The following MUSK variants were observed in gnomAD, a reference collection of about 807,000 sequenced individuals.
The protein encoded by MUSK is muscle, skeletal receptor tyrosine-protein kinase.
MUSK carries 55 observed loss-of-function variants against 88.7 expected under a neutral mutation model. The ratio of observed to expected loss-of-function variants is 0.62; its 90% confidence interval spans 0.50 to 0.78. The LOEUF is 0.78. Among genes scored for constraint, MUSK ranks in the 30% least tolerant of loss-of-function variants. The probability of loss-of-function intolerance (pLI) is 0.00; values close to 1 mark genes in which losing one functional copy is unlikely to be tolerated. For synonymous variants in MUSK, 387 were observed against 391.9 expected (o/e 0.99, Z 0.15); for missense variants, 1,015 against 1,074.3 (o/e 0.94, Z 0.77).
Position 110,713,709 on chromosome 9 carries a change from TG to T in MUSK, c.628+16246del, listed in dbSNP as rs761758181. Among the ~76,000 whole-genome samples the T allele has an allele frequency of 1.1e-4, 17 of 152,238 alleles. No homozygotes were observed. In the Middle Eastern group the frequency reaches 0.01, roughly 91 times the overall value. ...CCCAACCCAAGCCACTTTAGGCAAC[TG>T]GGATACTGTGGTATGATTTAAGATT... On this transcript the variant is annotated intron_variant, in intron 5 of 14. Transcript: ENST00000374448.
chr9:110,789,788 A>G (rs182694461), intron 14 of MUSK, among the ~76,000 whole-genome samples: 10 of 152,178 alleles, frequency 6.6e-5, no homozygotes, highest in African/African-American at 2.4e-4. Flanking sequence ...GGGAAAAAAA[A>G]AAGACGTGTT....
chr9:110,721,851 G>A (rs564127805), intron 5 of MUSK, among the ~76,000 whole-genome samples: 87 of 152,194 alleles, frequency 5.7e-4, no homozygotes, highest in Non-Finnish European at 9.7e-4. Flanking sequence ...ATACTACAAC[G>A]CCACAGACAC....
intron 2 of MUSK, among the ~76,000 whole-genome samples, chr9:110,686,151 C>T (rs1034051096): frequency 1.3e-5 from 2 of 152,086 alleles, no homozygotes; most frequent in African/African-American, 4.8e-5. Flanking sequence ...TCTTGCCTTT[C>T]CTAGCTTCTA....
intron 1 of MUSK, among the ~76,000 whole-genome samples, chr9:110,675,491 G>T (rs1437360068): frequency 3.3e-5 from 5 of 149,784 alleles, no homozygotes; most frequent in Non-Finnish European, 5.9e-5. Context: ...AAAGTGCTAG[G>T]ATTACAGGCG....
In MUSK at chr9:110,800,533, CG is replaced by C; in HGVS notation, c.2156del (p.Arg719LeufsTer8). 1 of 1,613,710 alleles carries C rather than the reference CG, an allele frequency of 6.2e-7. No individual in the cohort carries two copies. The highest frequency in any genetic ancestry group is 8.5e-7 in the Non-Finnish European group (1 of 1,179,816). ...AGCTGGCATGGCTTACCTCTCAGAA[CG>C]TAAGTTTGTTCACCGAGATTTAGCC... is the stretch of plus-strand genomic sequence containing the variant. ...VAAGMAYLSERKFVHRDLATR... is the reference protein window; with the variant it reads ...VAAGMAYLSEXKFVHRDLATR... On this transcript the variant is annotated frameshift_variant, in exon 15 of 15. Coordinates refer to ENST00000374448, the MANE Select transcript of MUSK (RefSeq NM_005592.4). LOFTEE classifies it high-confidence loss of function.
At chr9:110,690,079 TATAA>T (rs1243793624) in intron 3 of MUSK, among the ~76,000 whole-genome samples, 2 of 97,206 alleles carry the variant, frequency 2.1e-5, no homozygotes, top group East Asian at 6.5e-4. Flanking sequence ...AGTATAAATA[TATAA>T]ATATATATTA....
At chr9:110,684,083 A>G (rs1176917226) in intron 2 of MUSK, among the ~76,000 whole-genome samples, 1 of 152,042 alleles carries the variant, frequency 6.6e-6, no homozygotes, top group Non-Finnish European at 1.5e-5. Context: ...AGTTTCCCCA[A>G]TGTTTTCTTG....
intron 7 of MUSK, among the ~76,000 whole-genome samples, chr9:110,761,477 C>G (rs545601827): frequency 5.9e-4 from 89 of 151,526 alleles, no homozygotes; most frequent in African/African-American, 2.1e-3. Flanking sequence ...CCTCTCTCCT[C>G]TGCATGTTCT....
At chr9:110,749,033 A>G (rs933820742) in intron 7 of MUSK, among the ~76,000 whole-genome samples, 1 of 152,146 alleles carries the variant, frequency 6.6e-6, no homozygotes, top group Non-Finnish European at 1.5e-5. Context: ...ACAAATAATA[A>G]TAATATCACA....
chr9:110,695,376 T>G (rs566005923), intron 3 of MUSK, 27 bp from the exon 4 acceptor site: 1 of 1,418,968 alleles, frequency 7.0e-7, no homozygotes, highest in South Asian at 1.4e-5. Context: ...ATTGCCTTAT[T>G]TATTTTGAAT....
rs568494714 is a variant in MUSK at position 110,715,934 on chromosome 9, A to T, written c.629-18317A>T. The stretch of plus-strand genomic sequence containing the variant: ...GGAGCTGAACGATGAGAACACATGG[A>T]CACATGGGGGGAACAATACACACTG... On this transcript the variant is annotated intron_variant, in intron 5 of 14. Transcript: ENST00000374448. 5.5e-4 allele frequency among the ~76,000 whole-genome samples: 82 copies of T among 149,394 alleles called. 6 individuals are homozygous for T. Among genetic ancestry groups the T allele is most frequent in the African/African-American group, 2.1e-3 (81 of 39,176 alleles).
intron 3 of MUSK, among the ~76,000 whole-genome samples, chr9:110,693,109 G>A (rs2076379827): frequency 6.6e-6 from 1 of 152,088 alleles, no homozygotes; most frequent in African/African-American, 2.4e-5. Context: ...AAGTTGGAAT[G>A]CTCTCATTTG....
At chr9:110,706,216 T>C (rs2076596742) in intron 5 of MUSK, 2 of 393,916 alleles carry the variant, frequency 5.1e-6, no homozygotes, top group Admixed American at 7.0e-5. Context: ...GCTTTCTTTA[T>C]TTTTAACTAG....
chr9:110,775,801 G>T lies in MUSK; in HGVS notation c.1198G>T (p.Ala400Ser). Residue 400 changes from alanine to serine, a missense_variant, in exon 10 of 15, where the codon GCA becomes TCA. Transcript: ENST00000374448. ...ATACTATTTTAGAGAGTACTGCTTG[G>T]CAGTAAAGGAGCTCTTCTGCGCAAA... is the stretch of plus-strand genomic sequence containing the variant. ...PIPICREYCL[A>S]VKELFCAKEW... is the part of the protein sequence containing the mutation. The T allele has an allele frequency of 6.2e-7, 1 of 1,613,788 alleles. No individual in the cohort carries two copies. The highest frequency in any genetic ancestry group is 1.1e-5 in the South Asian group (1 of 91,060).
At chr9:110,696,413 T>C (rs1240804154) in intron 4 of MUSK, among the ~76,000 whole-genome samples, 1 of 152,256 alleles carries the variant, frequency 6.6e-6, no homozygotes. Context: ...TTACAGACTA[T>C]GTTTTTCATT....
At chr9:110,781,149 T>G (rs2077748142) in intron 11 of MUSK, among the ~76,000 whole-genome samples, 1 of 152,202 alleles carries the variant, frequency 6.6e-6, no homozygotes, top group Non-Finnish European at 1.5e-5. Flanking sequence ...TCTGCTTAGT[T>G]CAGATCTTGG....
intron 1 of MUSK, among the ~76,000 whole-genome samples, chr9:110,681,465 G>T (rs904999889): frequency 6.6e-6 from 1 of 151,602 alleles, no homozygotes; most frequent in Non-Finnish European, 1.5e-5. Flanking sequence ...AATTGAGTGT[G>T]GGTCAAAGAC....
chr9:110,779,916 T>A (rs556129449), intron 11 of MUSK, among the ~76,000 whole-genome samples: 1 of 152,310 alleles, frequency 6.6e-6, no homozygotes, highest in African/African-American at 2.4e-5. Context: ...ATGTAAAATG[T>A]CACTCTTGTC....
At chr9:110,751,162 A>C (rs2077242596) in intron 7 of MUSK, among the ~76,000 whole-genome samples, 1 of 152,234 alleles carries the variant, frequency 6.6e-6, no homozygotes, top group African/African-American at 2.4e-5. Flanking sequence ...CGAGAGGACT[A>C]CAGGGCATGA....
Sources: allele counts gnomAD v4.1 joint callset (sites outside exome capture counted in the v4.1 genomes callset), GRCh38; gene constraint gnomAD v4.1.1; transcripts MANE v1.5; gene names NCBI Gene and HGNC (gene_info 2026-07-23, HGNC 2026-07-21).